Variants in GALNT3 observed in about 807,000 individuals in gnomAD.
GALNT3 encodes polypeptide N-acetylgalactosaminyltransferase 3, also known as GalNAc transferase 3.
Under a neutral mutation model 69.8 loss-of-function variants are expected in GALNT3, and 51 were observed. The observed-to-expected ratio is 0.73, with a 90% CI of 0.58 to 0.92. GALNT3 has a LOEUF of 0.92. Ranked by LOEUF, GALNT3 falls within the 40% of genes least tolerant of loss-of-function variation. GALNT3 has a pLI of 0.00. For synonymous variants in GALNT3, 265 were observed against 248.5 expected, an observed-to-expected ratio of 1.07 and a Z score of -0.63; for missense variants, 711 against 760.0, an observed-to-expected ratio of 0.94 and a Z score of 0.76.
intron 1 of GALNT3, among the ~76,000 whole-genome samples, chr2:165,781,707 T>C (rs944192723): frequency 2.0e-5 from 3 of 152,160 alleles, no homozygotes; most frequent in Non-Finnish European, 2.9e-5. Flanking sequence ...TTATATGCTC[T>C]ACAAGGATAT....
chr2:165,761,823 A>C, intron 4 of GALNT3, 82 bp downstream of exon 4: 2 of 1,485,740 alleles, frequency 1.3e-6, no homozygotes, highest in Non-Finnish European at 1.9e-6. Flanking sequence ...AGGCATTTAG[A>C]AAAGAAAAGA....
rs781073900 is a variant in GALNT3, at chr2:165,757,068, A to G, written c.1371T>C (p.Asp457=). 3 of 1,613,656 alleles carry G rather than the reference A, an allele frequency of 1.9e-6. No homozygotes were observed. The highest frequency in any genetic ancestry group is 1.3e-5 in the African/African-American group (1 of 74,922). ...YKEIFYRRNT[D]AAKIVKQKAF... ...TTACTTGTTTAACAATTTTTGCTGC[A>G]TCTGTATTTCTCCTATAAAATATTT... The change falls in exon 7 of 11, where the codon GAT becomes GAC. Residue 457 remains aspartate, a synonymous_variant. Transcript: ENST00000392701.
chr2:165,762,968 C>CT (rs3032482), intron 3 of GALNT3, among the ~76,000 whole-genome samples: 2 of 141,082 alleles, frequency 1.4e-5, no homozygotes, highest in Non-Finnish European at 1.5e-5. Flanking sequence ...CTTTTCTTTT[C>CT]TTTTTTTTTT....
rs770762806 is a variant in GALNT3, at chr2:165,770,653, G to A, written c.48C>T (p.Tyr16=). ...RLVKLHIKRH[Y]HKKFWKLGAV... ...CACCAAGCTTCCAGAACTTTTTATG[G>A]TAATGTCTTTTAATGTGTAATTTTA... Residue 16 remains tyrosine (Y), a synonymous_variant, in exon 2 of 11, where the codon TAC becomes TAT. Transcript: ENST00000392701. 6.2e-7 allele frequency: 1 copy of A among 1,602,744 alleles called. No homozygotes were observed. The highest frequency in any genetic ancestry group is 8.5e-7 in the Non-Finnish European group (1 of 1,177,644).
chr2:165,771,562 T>C (rs1018503108), intron 1 of GALNT3: 6 of 152,190 alleles, frequency 3.9e-5, no homozygotes, highest in African/African-American at 1.2e-4. Flanking sequence ...TGATAAAATA[T>C]TGCTTGCAAT....
At chr2:165,774,859 A>G (rs527486247) in intron 1 of GALNT3, among the ~76,000 whole-genome samples, 7 of 151,912 alleles carry the variant, frequency 4.6e-5, no homozygotes, top group East Asian at 1.9e-4. Context: ...CATTTAATAC[A>G]TAAGTTCTCA....
intron 1 of GALNT3, among the ~76,000 whole-genome samples, chr2:165,773,111 G>A (rs1688781774): frequency 6.6e-6 from 1 of 152,148 alleles, no homozygotes; most frequent in Non-Finnish European, 1.5e-5. Flanking sequence ...GGAAGAATGG[G>A]AGATGAATGG....
intron 1 of GALNT3, among the ~76,000 whole-genome samples, chr2:165,791,595 A>C (rs902976858): frequency 1.3e-5 from 2 of 152,176 alleles, no homozygotes; most frequent in African/African-American, 4.8e-5. Flanking sequence ...AGTTTAAAGA[A>C]ACTTAGTGTT....
chr2:165,774,323 C>T (rs1239254952), intron 1 of GALNT3, among the ~76,000 whole-genome samples: 1 of 151,964 alleles, frequency 6.6e-6, no homozygotes, highest in Non-Finnish European at 1.5e-5. Flanking sequence ...AGCTGGACTC[C>T]CTATTTTGAC....
At chr2:165,749,716 T>C (rs1573993292) in intron 10 of GALNT3, 26 bp downstream of exon 10, 2 of 1,603,994 alleles carry the variant, frequency 1.2e-6, no homozygotes. Context: ...AATAGTTAAA[T>C]AGATGAATTA....
rs779319452 is a variant in GALNT3 at position 165,749,932 on chromosome 2, C to T, written c.1627-38G>A. The T allele has an allele frequency of 3.4e-5, 55 of 1,597,946 alleles. 3 individuals carry two copies. The Middle Eastern group carries it at 5.0e-4, about 14-fold the overall frequency. ...TAGCACTGTTACTGACAAAAGCAACCCATGTGCTCAGTTGCAAAATAAATA... is the reference window on the plus strand; with the variant it reads ...TAGCACTGTTACTGACAAAAGCAACTCATGTGCTCAGTTGCAAAATAAATA... On this transcript the variant is annotated intron_variant, in intron 9 of 10. Coordinates refer to ENST00000392701, the MANE Select transcript of GALNT3 (RefSeq NM_004482.4).
chr2:165,793,427 C>G (rs956284399), intron 1 of GALNT3, among the ~76,000 whole-genome samples: 5 of 152,198 alleles, frequency 3.3e-5, no homozygotes, highest in Admixed American at 2.6e-4. Flanking sequence ...AGAGTCGAAA[C>G]AGAGAGAGAG....
chr2:165,753,025 A>G (rs1300899916), intron 9 of GALNT3, among the ~76,000 whole-genome samples: 1 of 152,200 alleles, frequency 6.6e-6, no homozygotes, highest in African/African-American at 2.4e-5. Context: ...CCATCCAGCA[A>G]TAGATCCAGT....
intron 9 of GALNT3, among the ~76,000 whole-genome samples, chr2:165,753,071 G>A (rs1688382195): frequency 1.3e-5 from 2 of 152,270 alleles, no homozygotes; most frequent in African/African-American, 4.8e-5. Flanking sequence ...TGTATCATCT[G>A]CCCTCAGTAG....
chr2:165,786,117 G>C (rs900066008), intron 1 of GALNT3, among the ~76,000 whole-genome samples: 1 of 152,202 alleles, frequency 6.6e-6, no homozygotes, highest in African/African-American at 2.4e-5. Flanking sequence ...GGAGAGTAGA[G>C]GTGGCTGTGT....
At chr2:165,755,773 A>T (rs1369962801) in intron 7 of GALNT3, among the ~76,000 whole-genome samples, 1 of 152,178 alleles carries the variant, frequency 6.6e-6, no homozygotes, top group African/African-American at 2.4e-5. Flanking sequence ...AAAAGTAAAT[A>T]CTCAATCTTA....
intron 7 of GALNT3, among the ~76,000 whole-genome samples, chr2:165,755,506 G>C (rs189124971): frequency 2.0e-5 from 3 of 152,240 alleles, no homozygotes; most frequent in Non-Finnish European, 4.4e-5. Flanking sequence ...TCTCCATCAA[G>C]ATCACAGAAA....
chr2:165,758,273 T>G (rs1299801067), intron 6 of GALNT3, among the ~76,000 whole-genome samples: 1 of 152,166 alleles, frequency 6.6e-6, no homozygotes, highest in Non-Finnish European at 1.5e-5. Flanking sequence ...ACTCATGAAA[T>G]CAAATACATA....
At position 165,754,968 on chromosome 2, in the gene GALNT3, C is replaced by T; in HGVS notation, c.1488G>A (p.Val496=). The T allele has an allele frequency of 6.2e-7, 1 of 1,613,318 alleles. No individual in the cohort carries two copies. The highest frequency in any genetic ancestry group is 8.5e-7 in the Non-Finnish European group (1 of 1,179,438). The change falls in exon 8 of 11, where the codon GTG becomes GTA. Residue 496 remains valine, a synonymous_variant. Coordinates refer to ENST00000392701, the MANE Select transcript of GALNT3 (RefSeq NM_004482.4). Reference sequence around the variant, plus strand: ...TAACAGGATTAAGGTCTGGCACATACACCTCTGGATAAATGTTGTTCAGAT... The same window carrying T: ...TAACAGGATTAAGGTCTGGCACATATACCTCTGGATAAATGTTGTTCAGAT... The part of the protein sequence containing the change: ...TWYLNNIYPE[V]YVPDLNPVIS...
Sources: allele counts gnomAD v4.1 joint callset (sites outside exome capture counted in the v4.1 genomes callset), GRCh38; gene constraint gnomAD v4.1.1; transcripts MANE v1.5; gene names NCBI Gene and HGNC (gene_info 2026-07-23, HGNC 2026-07-21).